CDC20B: variants seen among roughly 807,000 people sequenced by gnomAD.
CDC20B encodes cell division cycle 20B, also known as cell division cycle protein 20 homolog B.
Under a neutral mutation model 64.1 loss-of-function variants are expected in CDC20B, and 58 were observed. The observed-to-expected ratio is 0.90, with a 90% confidence interval of 0.73 to 1.13. The LOEUF is 1.13. Ranked by LOEUF, CDC20B falls within the 50% of genes most tolerant of loss-of-function variation. CDC20B has a pLI of 0.00. For synonymous variants in CDC20B, 243 were observed against 230.6 expected, an observed-to-expected ratio of 1.05 and a Z score of -0.49; for missense variants, 597 against 633.0, an observed-to-expected ratio of 0.94 and a Z score of 0.61.
Position 55,171,528 on chromosome 5 carries a change from T to C in CDC20B, c.126+1060A>G, listed in dbSNP as rs527772310. 2.6e-5 allele frequency among the ~76,000 whole-genome samples: 4 copies of C among 152,328 alleles called. No homozygotes were observed. The South Asian group carries it at 8.3e-4, about 32-fold the overall frequency. The stretch of plus-strand genomic sequence containing the variant: ...GGCTTAAATGCAATTAGTTTTCTCC[T>C]ACTAGAAATGACATTAGTAATCGAG... On this transcript the variant is annotated intron_variant, in intron 2 of 11. Coordinates refer to ENST00000381375, the MANE Select transcript of CDC20B (RefSeq NM_001170402.1).
In CDC20B at chr5:55,146,636, A is replaced by C. The variant is rs1743483003; in HGVS notation, c.347T>G (p.Leu116Trp). The C allele has an allele frequency of 6.2e-7, 1 of 1,613,362 alleles. No homozygotes were observed. Among genetic ancestry groups the C allele is most frequent in the South Asian group, 1.1e-5 (1 of 91,046 alleles). Residue 116 changes from leucine (L) to tryptophan (W), a missense_variant, in exon 3 of 12, where the codon TTG (leucine) becomes TGG (tryptophan). Leu to Trp is a moderately conservative substitution (Grantham distance 61). Transcript: ENST00000381375. ...CGTTTGGGGCACCTCACCTAGAGTC[A>C]AGGTCTCTTTCTCAGGCGGTGTCTT... ...VLKTPPEKET[L>W]TLGSRKEQLK...
intron 2 of CDC20B, chr5:55,170,637 T>G (rs373491856): frequency 3.7e-6 from 2 of 534,666 alleles, no homozygotes; most frequent in African/African-American, 3.8e-5. Flanking sequence ...CCAGAGCACT[T>G]CATTGACAAG....
At chr5:55,124,325 C>T (rs1412158567) in intron 9 of CDC20B, among the ~76,000 whole-genome samples, 1 of 152,048 alleles carries the variant, frequency 6.6e-6, no homozygotes. Context: ...ACATTTCCAC[C>T]AGAGTTATAA....
chr5:55,145,186 C>A (rs1743436416), intron 3 of CDC20B, among the ~76,000 whole-genome samples: 1 of 152,184 alleles, frequency 6.6e-6, no homozygotes, highest in African/African-American at 2.4e-5. Context: ...CAAAAGATTT[C>A]TTTCAGAAGA....
intron 2 of CDC20B, among the ~76,000 whole-genome samples, chr5:55,153,887 C>T (rs1743741175): frequency 6.6e-6 from 1 of 152,072 alleles, no homozygotes; most frequent in South Asian, 2.1e-4. Flanking sequence ...AAAAGATTGG[C>T]AGTGTTAGGC....
chr5:55,143,555 T>G lies in CDC20B; in HGVS notation c.444A>C (p.Ala148=), dbSNP rs781503724. The G allele has an allele frequency of 6.2e-7, 1 of 1,611,452 alleles. No individual in the cohort carries two copies. The highest frequency in any genetic ancestry group is 8.5e-7 in the Non-Finnish European group (1 of 1,178,446). Residue 148 remains alanine (A), a synonymous_variant, in exon 4 of 12, where the codon GCA becomes GCC. Transcript: ENST00000381375. ...CACTTTCTTTCCAGTCTCTGTCCAT[T>G]GCATGAGGTGCCTTGCAAAAATGGA... ...SALHFCKAPH[A]MDRDWKESVA...
chr5:55,160,125 G>A, intron 2 of CDC20B: 1 of 1,188,870 alleles, frequency 8.4e-7, no homozygotes, highest in Non-Finnish European at 1.3e-6. Context: ...GTTAAACTAA[G>A]CCGGTTTCAA....
At chr5:55,163,434 A>C (rs1194851596) in intron 2 of CDC20B, among the ~76,000 whole-genome samples, 1 of 152,026 alleles carries the variant, frequency 6.6e-6, no homozygotes, top group East Asian at 1.9e-4. Context: ...CAAAATACAA[A>C]AATTTGCCTG....
Position 55,120,441 on chromosome 5 carries a change from G to A in CDC20B, c.1325C>T (p.Pro442Leu). 6.2e-7 allele frequency: 1 copy of A among 1,613,702 alleles called. No homozygotes were observed. Among genetic ancestry groups the A allele is most frequent in the Non-Finnish European group, 8.5e-7 (1 of 1,179,746 alleles). Residue 442 changes from proline (P) to leucine (L), a missense_variant, in exon 10 of 12, where the codon CCA (proline) becomes CTA (leucine). By Grantham distance (98) the Pro-to-Leu change is moderately conservative. Around this residue, in one of 3 missense-constraint regions of CDC20B, gnomAD observed 353 missense variants for 397.0 expected, o/e 0.89. Coordinates refer to ENST00000381375, the MANE Select transcript of CDC20B (RefSeq NM_001170402.1). ...DINAGKSIQTPSTNSQICSLI... is the reference protein window; with the variant it reads ...DINAGKSIQTLSTNSQICSLI... ...GATATTAACCTGTGAGTTTGTGCTT[G>A]GGGTCTGGATGCTCTTCCCAGCATT...
In CDC20B at chr5:55,160,147, TC is replaced by T. The variant is rs758243144; in HGVS notation, c.126+12440del. 38 of 1,438,520 alleles carry T rather than the reference TC, an allele frequency of 2.6e-5. No homozygotes were observed. In the African/African-American group the frequency reaches 5.0e-4, roughly 19 times the overall value. 89.1% of individuals were successfully genotyped at this position (1,438,520 alleles called of 1,614,324 possible). On this transcript the variant is annotated intron_variant, in intron 2 of 11. Transcript: ENST00000381375. ...TAAGCCGGTTTCAAGTTTCAGCTCC[TC>T]CTTGAATTCCAGGCTGCTGAGACTT...
At chr5:55,167,905 A>C (rs1393375272) in intron 2 of CDC20B, among the ~76,000 whole-genome samples, 1 of 151,534 alleles carries the variant, frequency 6.6e-6, no homozygotes, top group African/African-American at 2.4e-5. Flanking sequence ...GGTAGCACAC[A>C]CCTGTGGTTC....
chr5:55,161,287 A>G (rs1456021758), intron 2 of CDC20B: 4 of 1,582,940 alleles, frequency 2.5e-6, no homozygotes, highest in Non-Finnish European at 3.4e-6. Context: ...GCTGTTTTAA[A>G]TTGCTTTTCA....
chr5:55,150,128 G>A (rs546118795), intron 2 of CDC20B, among the ~76,000 whole-genome samples: 6 of 151,898 alleles, frequency 4.0e-5, no homozygotes, highest in Admixed American at 1.3e-4. Context: ...GTGAAACCCC[G>A]TCTCAAAAAA....
At chr5:55,132,409 C>A (rs1223779594) in intron 6 of CDC20B, among the ~76,000 whole-genome samples, 2 of 152,130 alleles carry the variant, frequency 1.3e-5, no homozygotes, top group Admixed American at 1.3e-4. Context: ...TACCAGCATT[C>A]GTTTCAAATA....
At chr5:55,127,486 C>G (rs952192611) in intron 7 of CDC20B, 135 bp from the exon 8 acceptor site, 2 of 677,242 alleles carry the variant, frequency 3.0e-6, no homozygotes, top group African/African-American at 3.6e-5. Context: ...ATCTAGCCAG[C>G]AGTTCTCAAT....
At chr5:55,144,754 A>G (rs1201117367) in intron 3 of CDC20B, among the ~76,000 whole-genome samples, 2 of 152,198 alleles carry the variant, frequency 1.3e-5, no homozygotes, top group African/African-American at 4.8e-5. Context: ...AGTACTGACA[A>G]TCATCACAGT....
intron 8 of CDC20B, 59 bp downstream of exon 8, chr5:55,127,198 C>CA: frequency 7.1e-7 from 1 of 1,408,052 alleles, no homozygotes; most frequent in Non-Finnish European, 1.0e-6. Context: ...ACTGTTTACT[C>CA]AGGCCCCATA....
intron 2 of CDC20B, among the ~76,000 whole-genome samples, chr5:55,153,174 G>A (rs908729684): frequency 6.7e-6 from 1 of 149,892 alleles, no homozygotes; most frequent in Non-Finnish European, 1.5e-5. Context: ...AGAAGGCAGA[G>A]GTTGCAGTGA....
rs370876326 is a variant in CDC20B, at chr5:55,114,496, G to A, written c.1460-178C>T. 2.6e-5 allele frequency among the ~76,000 whole-genome samples: 4 copies of A among 152,328 alleles called. No individual in the cohort carries two copies. Among genetic ancestry groups the A allele is most frequent in the South Asian group, 2.1e-4 (1 of 4,826 alleles). ...ATGCTGGGAGACAGCAGTCAGGGCC[G>A]ACTGGGACAGTTTTCTCCCTCAGTG... is the stretch of plus-strand genomic sequence containing the variant. On this transcript the variant is annotated intron_variant, in intron 11 of 11. Transcript: ENST00000381375. This position sits in a 1 kb window ranked among gnomAD's most constrained non-coding sequence, Gnocchi z 4.1.
Sources: allele counts gnomAD v4.1 joint callset (sites outside exome capture counted in the v4.1 genomes callset), GRCh38; gene constraint gnomAD v4.1.1; regional missense constraint gnomAD v4.1.1; non-coding constraint Gnocchi (gnomAD v3.1); transcripts MANE v1.5; gene names NCBI Gene and HGNC (gene_info 2026-07-23, HGNC 2026-07-21).